Variants in PXDNL observed in about 807,000 individuals in gnomAD.
The protein encoded by PXDNL is probable oxidoreductase PXDNL.
In PXDNL, 145 loss-of-function variants were observed where a neutral mutation model predicts 150.8. The observed-to-expected ratio is 0.96, with a 90% CI of 0.84 to 1.10. PXDNL has a LOEUF of 1.10. PXDNL is among the 50% of genes least tolerant of loss of function. The pLI is 0.00. For missense variants in PXDNL, 2,087 were observed against 1,873.9 expected (o/e 1.11, Z -2.10); for synonymous variants, 757 against 725.7 (o/e 1.04, Z -0.69).
chr8:51,506,540 CAAAAAAAA>C (rs11312240), intron 4 of PXDNL, among the ~76,000 whole-genome samples: 4 of 67,492 alleles, frequency 5.9e-5, no homozygotes, highest in Admixed American at 2.6e-4. Context: ...GACTCTGTCT[CAAAAAAAA>C]AAAAAAAAAA....
At chr8:51,727,860 G>A (rs1020758731) in intron 1 of PXDNL, among the ~76,000 whole-genome samples, 1 of 152,054 alleles carries the variant, frequency 6.6e-6, no homozygotes, top group Non-Finnish European at 1.5e-5. Flanking sequence ...GAGCTCTGCC[G>A]GTTTTGACTG....
At chr8:51,655,536 T>C (rs1485327830) in intron 1 of PXDNL, among the ~76,000 whole-genome samples, 1 of 152,166 alleles carries the variant, frequency 6.6e-6, no homozygotes, top group Non-Finnish European at 1.5e-5. Context: ...TAGGGACTGC[T>C]CTGCCTAGAG....
chr8:51,768,182 C>A (rs145596459), intron 1 of PXDNL, among the ~76,000 whole-genome samples: 3 of 152,186 alleles, frequency 2.0e-5, no homozygotes, highest in African/African-American at 7.2e-5. Context: ...TATAAATGTT[C>A]CTTCAACTGT....
At chr8:51,732,187 G>T (rs1456966116) in intron 1 of PXDNL, among the ~76,000 whole-genome samples, 1 of 152,056 alleles carries the variant, frequency 6.6e-6, no homozygotes, top group Non-Finnish European at 1.5e-5. Context: ...CTTTTAACAG[G>T]ACCCAAGAGC....
chr8:51,701,274 C>T (rs978735706), intron 1 of PXDNL, among the ~76,000 whole-genome samples: 18 of 152,040 alleles, frequency 1.2e-4, no homozygotes, highest in Admixed American at 7.9e-4. Flanking sequence ...AAAATAAAAA[C>T]TGATGGATGC....
At chr8:51,331,857 C>T (rs1289614151) in intron 21 of PXDNL, among the ~76,000 whole-genome samples, 1 of 152,132 alleles carries the variant, frequency 6.6e-6, no homozygotes, top group Admixed American at 6.5e-5. Context: ...AGAGTCTAAG[C>T]TCACACACGC....
At chr8:51,341,334 G>A (rs993920271) in intron 20 of PXDNL, among the ~76,000 whole-genome samples, 2 of 152,096 alleles carry the variant, frequency 1.3e-5, no homozygotes, top group African/African-American at 4.8e-5. Flanking sequence ...TGATGAGTTT[G>A]GACATGTGCA....
At chr8:51,542,753 T>C (rs763748821) in intron 4 of PXDNL, among the ~76,000 whole-genome samples, 16 of 150,378 alleles carry the variant, frequency 1.1e-4, no homozygotes, top group Non-Finnish European at 1.6e-4. Context: ...GAGGTTGCAG[T>C]AAGCCAAGAT....
intron 1 of PXDNL, among the ~76,000 whole-genome samples, chr8:51,792,359 T>C (rs911819353): frequency 2.6e-5 from 4 of 152,072 alleles, no homozygotes; most frequent in African/African-American, 9.7e-5. Context: ...AGCCAAGAGA[T>C]GTGATGAGTG....
chr8:51,648,034 A>G (rs932486353), intron 2 of PXDNL, among the ~76,000 whole-genome samples: 7 of 152,168 alleles, frequency 4.6e-5, no homozygotes, highest in African/African-American at 1.7e-4. Context: ...CCAAAGTCAC[A>G]TAAAGGATAG....
chr8:51,744,460 G>A (rs1283043114), intron 1 of PXDNL, among the ~76,000 whole-genome samples: 2 of 149,700 alleles, frequency 1.3e-5, no homozygotes, highest in Middle Eastern at 3.3e-3. Context: ...GAGGTCAGGA[G>A]ATCGAGACCA....
At chr8:51,640,155 C>G (rs1010420106) in intron 2 of PXDNL, among the ~76,000 whole-genome samples, 5 of 152,068 alleles carry the variant, frequency 3.3e-5, no homozygotes, top group Non-Finnish European at 2.9e-5. Flanking sequence ...ATTCAACAAC[C>G]CTTCATGCTA....
At chr8:51,356,885 G>T (rs1318274320) in intron 19 of PXDNL, among the ~76,000 whole-genome samples, 2 of 152,094 alleles carry the variant, frequency 1.3e-5, no homozygotes, top group Non-Finnish European at 2.9e-5. Context: ...TTTTCAGTGG[G>T]CACTTACTAT....
intron 1 of PXDNL, among the ~76,000 whole-genome samples, chr8:51,800,219 A>G (rs1236450153): frequency 2.6e-5 from 4 of 152,086 alleles, no homozygotes; most frequent in African/African-American, 9.7e-5. Flanking sequence ...CACTGGGCCA[A>G]TTGGCTCATT....
intron 1 of PXDNL, among the ~76,000 whole-genome samples, chr8:51,784,976 A>T (rs1346582155): frequency 6.6e-6 from 1 of 152,214 alleles, no homozygotes; most frequent in African/African-American, 2.4e-5. Context: ...CAATGCTTCT[A>T]TGATCATAAA....
At chr8:51,368,019 T>C (rs1162762095) in intron 19 of PXDNL, among the ~76,000 whole-genome samples, 1 of 152,076 alleles carries the variant, frequency 6.6e-6, no homozygotes, top group Non-Finnish European at 1.5e-5. Flanking sequence ...TCCCAGCTAC[T>C]TGGGAGGCTG....
chr8:51,376,869 C>T (rs187509106), intron 17 of PXDNL, among the ~76,000 whole-genome samples: 1 of 152,092 alleles, frequency 6.6e-6, no homozygotes, highest in Admixed American at 6.5e-5. Flanking sequence ...CAGGCGCCCG[C>T]CACAATGCCC....
intron 2 of PXDNL, among the ~76,000 whole-genome samples, chr8:51,652,439 TCACA>T (rs34305040): frequency 0.01 from 1,478 of 146,934 alleles, 21 homozygotes; most frequent in African/African-American, 0.031. Flanking sequence ...TCTCTCTCTC[TCACA>T]CACACACACA....
chr8:51,441,207 G>A (rs1025696032), intron 12 of PXDNL, among the ~76,000 whole-genome samples: 9 of 152,134 alleles, frequency 5.9e-5, no homozygotes, highest in South Asian at 2.1e-4. Context: ...GTGAAGAGGT[G>A]TCTTCTGCCA....
Sources: allele counts gnomAD v4.1 joint callset (sites outside exome capture counted in the v4.1 genomes callset), GRCh38; gene constraint gnomAD v4.1.1; transcripts MANE v1.5; gene names NCBI Gene and HGNC (gene_info 2026-07-23, HGNC 2026-07-21).